Variants in RARB observed in about 807,000 individuals in gnomAD.
RARB encodes retinoic acid receptor beta.
A neutral mutation model predicts 51.9 loss-of-function variants in RARB; 17 were observed. The observed-to-expected ratio is 0.33, with a 90% confidence interval of 0.22 to 0.49. The LOEUF (loss-of-function observed/expected upper bound fraction) is 0.49, where lower values mean the gene tolerates loss of function less well. RARB is among the 20% of genes least tolerant of loss of function. The pLI is 0.99. For synonymous variants in RARB, 215 were observed against 195.4 expected (o/e 1.10, Z -0.84); for missense variants, 369 against 550.8 (o/e 0.67, Z 3.30).
intron 2 of RARB, among the ~76,000 whole-genome samples, chr3:24,860,881 A>T (rs1247442617): frequency 6.6e-6 from 1 of 152,182 alleles, no homozygotes; most frequent in African/African-American, 2.4e-5. Flanking sequence ...TATACTAATG[A>T]CTTAGTATAC....
chr3:25,532,378 A>C (rs1373460980), intron 3 of RARB, among the ~76,000 whole-genome samples: 1 of 152,220 alleles, frequency 6.6e-6, no homozygotes, highest in Non-Finnish European at 1.5e-5. Context: ...GCTTAAATGT[A>C]AGATCAGATG....
At chr3:25,297,435 T>C (rs1325137432) in intron 5 of RARB, among the ~76,000 whole-genome samples, 3 of 122,392 alleles carry the variant, frequency 2.5e-5, no homozygotes, top group Non-Finnish European at 4.9e-5. Flanking sequence ...TTTTTTGACT[T>C]ACAGCTTACT....
At chr3:25,053,752 G>C (rs886923509) in intron 2 of RARB, among the ~76,000 whole-genome samples, 17 of 152,148 alleles carry the variant, frequency 1.1e-4, no homozygotes, top group African/African-American at 3.9e-4. Context: ...AAAAATTTCT[G>C]TAGAGTTTCT....
intron 5 of RARB, among the ~76,000 whole-genome samples, chr3:25,363,037 T>C (rs1705999942): frequency 6.6e-6 from 1 of 151,762 alleles, no homozygotes; most frequent in African/African-American, 2.4e-5. Context: ...GTTGAGTGGA[T>C]AGGAGCTTTA....
chr3:25,320,981 T>C (rs921881033), intron 5 of RARB, among the ~76,000 whole-genome samples: 3 of 152,224 alleles, frequency 2.0e-5, no homozygotes, highest in African/African-American at 7.2e-5. Flanking sequence ...GCTCATTCTT[T>C]ATATCCTTCT....
intron 5 of RARB, among the ~76,000 whole-genome samples, chr3:25,310,056 A>G (rs1174637624): frequency 6.6e-6 from 1 of 152,194 alleles, no homozygotes. Flanking sequence ...TGAGCAGGCC[A>G]TGTGATGAAG....
At position 25,596,743 on chromosome 3, in the gene RARB, A is replaced by G. The variant is rs1427859313; in HGVS notation, c.*127A>G. 2 of 830,510 alleles carry G rather than the reference A, an allele frequency of 2.4e-6. No individual in the cohort carries two copies. Among genetic ancestry groups the G allele is most frequent in the Non-Finnish European group, 3.7e-6 (2 of 547,888 alleles). The allele number at this position is 830,510 out of a possible 1,614,324, so 51.4% of individuals were successfully genotyped here. A position where few individuals can be genotyped will look rare whatever the true frequency, so the allele number is the denominator to read the frequency against. On this transcript the variant is annotated 3_prime_UTR_variant, in exon 8 of 8. Transcript: ENST00000330688. ...AGATATTAAAACTCAAGAAGGACCA[A>G]GAAGTTTTCATATGTATCAATATAT...
intron 6 of RARB, 137 bp from the exon 7 acceptor site, chr3:25,594,383 T>A: frequency 1.1e-6 from 1 of 923,522 alleles, no homozygotes; most frequent in Non-Finnish European, 1.5e-6. Flanking sequence ...TTAAAGCAAC[T>A]GCATAAGTCT....
intron 2 of RARB, among the ~76,000 whole-genome samples, chr3:24,925,425 A>C (rs150460463): frequency 1.3e-3 from 196 of 152,030 alleles, no homozygotes; most frequent in African/African-American, 4.6e-3. Context: ...GGAGGGTTGC[A>C]TGAGCTCAGG....
At chr3:25,231,296 G>A (rs1377662968) in intron 5 of RARB, among the ~76,000 whole-genome samples, 3 of 152,116 alleles carry the variant, frequency 2.0e-5, no homozygotes, top group Admixed American at 6.6e-5. Context: ...AAATAGAAGC[G>A]TTTACACCTT....
At chr3:25,008,280 T>G (rs192528163) in intron 2 of RARB, among the ~76,000 whole-genome samples, 82 of 152,254 alleles carry the variant, frequency 5.4e-4, no homozygotes, top group Middle Eastern at 3.4e-3. Context: ...TAATTTTTTA[T>G]CTTGAGAGTA....
At position 24,913,402 on chromosome 3, in the gene RARB, CTTT is replaced by C. The variant is rs66779362; in HGVS notation, c.-380+54667_-380+54669del. ...CATAGTCTTCTTTCTCTCTCTCTCT[CTTT>C]TTTTTTTTTTTTTTTTGGTCAGAGA... is the stretch of plus-strand genomic sequence containing the variant. On this transcript the variant is annotated intron_variant, in intron 2 of 11. Transcript: ENST00000383772. Among the ~76,000 whole-genome samples, 909 of 108,288 alleles carry C rather than the reference CTTT, an allele frequency of 8.4e-3. 5 individuals carry two copies. Among genetic ancestry groups the C allele is most frequent in the African/African-American group, 0.023 (819 of 34,886 alleles). 71.0% of individuals were successfully genotyped at this position (108,288 alleles called of 152,430 possible). A position where few individuals can be genotyped will look rare whatever the true frequency, so the allele number is the denominator to read the frequency against.
chr3:24,988,139 G>C (rs1048056831), intron 2 of RARB, among the ~76,000 whole-genome samples: 1 of 152,080 alleles, frequency 6.6e-6, no homozygotes, highest in African/African-American at 2.4e-5. Flanking sequence ...CCCATCTTGG[G>C]AGCACTGATG....
chr3:25,487,015 A>G (rs1696507182), intron 2 of RARB, among the ~76,000 whole-genome samples: 1 of 152,114 alleles, frequency 6.6e-6, no homozygotes, highest in South Asian at 2.1e-4. Flanking sequence ...TGAGACTTGG[A>G]GAGGAGAGAG....
At chr3:25,199,906 A>G (rs1701347629) in intron 5 of RARB, among the ~76,000 whole-genome samples, 1 of 152,140 alleles carries the variant, frequency 6.6e-6, no homozygotes, top group Admixed American at 6.5e-5. Context: ...CAATAAACAT[A>G]TGTGTGCATG....
chr3:24,921,634 C>A (rs971014850), intron 2 of RARB, among the ~76,000 whole-genome samples: 7 of 152,056 alleles, frequency 4.6e-5, no homozygotes, highest in African/African-American at 1.2e-4. Context: ...AGGTCCCCCC[C>A]ATCTCCTCTT....
intron 3 of RARB, among the ~76,000 whole-genome samples, chr3:25,100,376 C>A (rs771388354): frequency 6.6e-6 from 1 of 152,018 alleles, no homozygotes; most frequent in South Asian, 2.1e-4. Context: ...ATGCAGAGAC[C>A]AGGAAGAAGT....
At chr3:25,549,862 T>G (rs1393219009) in intron 3 of RARB, among the ~76,000 whole-genome samples, 2 of 152,084 alleles carry the variant, frequency 1.3e-5, no homozygotes, top group East Asian at 1.9e-4. Context: ...TTGCCAAAAT[T>G]TACACAACTA....
At chr3:25,500,652 AT>A (rs1204966532) in intron 2 of RARB, among the ~76,000 whole-genome samples, 1 of 150,590 alleles carries the variant, frequency 6.6e-6, no homozygotes, top group African/African-American at 2.4e-5. Context: ...TAATTTTTGT[AT>A]TTTTTAGTAG....
Sources: gnomAD v4.1 joint callset for allele counts (sites outside exome capture counted in the v4.1 genomes callset) on GRCh38, gnomAD v4.1.1 for gene constraint, MANE v1.5 for transcripts, NCBI Gene and HGNC (gene_info 2026-07-23, HGNC 2026-07-21) for gene names.